INPP5F: variants seen among roughly 807,000 people sequenced by gnomAD.
INPP5F encodes the protein inositol polyphosphate-5-phosphatase F.
INPP5F carries 97 observed loss-of-function variants against 137.2 expected under a neutral mutation model. The observed-to-expected ratio is 0.71, with a 90% confidence interval of 0.60 to 0.84. INPP5F has a LOEUF of 0.84. Among genes scored for constraint, INPP5F ranks in the 40% least tolerant of loss-of-function variants. The pLI is 0.00. For missense variants in INPP5F, 1,271 were observed against 1,371.9 expected (o/e 0.93, Z 1.16); for synonymous variants, 504 against 476.9 (o/e 1.06, Z -0.74).
At chr10:119,819,566 A>AT in intron 15 of INPP5F, 2 of 1,570,186 alleles carry the variant, frequency 1.3e-6, no homozygotes. Flanking sequence ...AAAACTTAAC[A>AT]TTTTACAGTG....
At chr10:119,775,247 T>C (rs1379846982) in intron 2 of INPP5F, among the ~76,000 whole-genome samples, 1 of 152,138 alleles carries the variant, frequency 6.6e-6, no homozygotes, top group Non-Finnish European at 1.5e-5. Context: ...AACTGGATTA[T>C]CAAATATAAT....
intron 16 of INPP5F, among the ~76,000 whole-genome samples, chr10:119,821,899 G>A (rs1419106197): frequency 1.9e-5 from 2 of 103,996 alleles, no homozygotes; most frequent in Admixed American, 1.2e-4. Flanking sequence ...ATGGAGTTTC[G>A]CTCTTTTTGC....
intron 2 of INPP5F, among the ~76,000 whole-genome samples, chr10:119,768,756 A>G (rs949098740): frequency 6.6e-6 from 1 of 152,152 alleles, no homozygotes; most frequent in Non-Finnish European, 1.5e-5. Flanking sequence ...AAGGAAGTAA[A>G]CACCTGAGAC....
At chr10:119,782,024 A>C (rs1201346766) in intron 3 of INPP5F, among the ~76,000 whole-genome samples, 2 of 152,186 alleles carry the variant, frequency 1.3e-5, no homozygotes, top group Non-Finnish European at 2.9e-5. Flanking sequence ...GGCTCTGTCC[A>C]CTTGATCTCT....
Position 119,748,757 on chromosome 10 carries a change from AAAGC to A in INPP5F, c.98-2317_98-2314del, listed in dbSNP as rs1470977244. On this transcript the variant is annotated intron_variant, in intron 1 of 19. Transcript: ENST00000650623. This position sits in a 1 kb window ranked among gnomAD's most constrained non-coding sequence, Gnocchi z 4.7. ...ATGGGAGGCCACGGACGGCCTGGAG[AAAGC>A]ACCCTGAGTTCTTACTCCAGCTCAC... 6.6e-6 allele frequency among the ~76,000 whole-genome samples: 1 copy of A among 152,092 alleles called. No homozygotes were observed. The highest frequency in any genetic ancestry group is 2.4e-5 in the African/African-American group (1 of 41,416).
intron 1 of INPP5F, among the ~76,000 whole-genome samples, chr10:119,734,683 A>G (rs1410788139): frequency 1.3e-5 from 2 of 152,026 alleles, no homozygotes; most frequent in Non-Finnish European, 2.9e-5. Context: ...TCATAGTCCA[A>G]CCTTGTTTTG....
At chr10:119,727,067 T>G (rs1199867428) in intron 1 of INPP5F, among the ~76,000 whole-genome samples, 1 of 152,230 alleles carries the variant, frequency 6.6e-6, no homozygotes, top group East Asian at 1.9e-4. Context: ...TAGCTTGCTT[T>G]AGGAAAATGT....
intron 18 of INPP5F, 45 bp from the exon 19 acceptor site, chr10:119,823,770 G>T (rs1414730874): frequency 2.1e-6 from 3 of 1,443,302 alleles, no homozygotes; most frequent in Admixed American, 3.6e-5. Flanking sequence ...ATTTTTTTTA[G>T]TATGTTTATG....
rs73355843 is a variant in INPP5F at position 119,796,604 on chromosome 10, A to G, written c.670-111A>G. 2.9e-3 allele frequency: 2,461 copies of G among 863,154 alleles called. 46 individuals are homozygous for G. The African/African-American group carries it at 0.037, about 13-fold the overall frequency. The allele number at this position is 863,154 out of a possible 1,614,324, so 53.5% of individuals were successfully genotyped here. A position where few individuals can be genotyped will look rare whatever the true frequency, so the allele number is the denominator to read the frequency against. The stretch of plus-strand genomic sequence containing the variant: ...AGCAGAAAATATGGTTGAATAATGG[A>G]AGGTTTCTGCTTCTAATAAACTGAG... On this transcript the variant is annotated intron_variant, in intron 6 of 19. Coordinates refer to ENST00000650623, the MANE Select transcript of INPP5F (RefSeq NM_014937.4).
intron 2 of INPP5F, among the ~76,000 whole-genome samples, chr10:119,779,486 C>T (rs935890415): frequency 6.6e-6 from 1 of 151,882 alleles, no homozygotes; most frequent in South Asian, 2.1e-4. Flanking sequence ...GTGTCATGAC[C>T]ATGGCTTATT....
At chr10:119,742,088 G>T (rs1368622088) in intron 1 of INPP5F, among the ~76,000 whole-genome samples, 1 of 152,170 alleles carries the variant, frequency 6.6e-6, no homozygotes, top group African/African-American at 2.4e-5. Context: ...CTCCCAAAAT[G>T]CTGGGTTTAC....
intron 1 of INPP5F, among the ~76,000 whole-genome samples, chr10:119,743,617 T>C (rs1235935900): frequency 1.7e-5 from 2 of 116,516 alleles, no homozygotes; most frequent in Non-Finnish European, 3.3e-5. Flanking sequence ...AGGCTGCACA[T>C]AGTTCAGGAT....
rs1199244892 is a variant in INPP5F at position 119,726,061 on chromosome 10, A to ACGGCCGCCGCTG, written c.-200_-189dup. 1 of 363,108 alleles carries ACGGCCGCCGCTG rather than the reference A, an allele frequency of 2.8e-6. No individual in the cohort carries two copies. The highest frequency in any genetic ancestry group is 4.9e-6 in the Non-Finnish European group (1 of 204,372). 22.5% of individuals were successfully genotyped at this position (363,108 alleles called of 1,614,324 possible). A position where few individuals can be genotyped will look rare whatever the true frequency, so the allele number is the denominator to read the frequency against. ...GGAGGAGCGGGGGGGAGAGGCCTCT[A>ACGGCCGCCGCTG]CGGCCGCCGCTGCCGCCGCCGCTGC... On this transcript the variant is annotated 5_prime_UTR_variant, in exon 1 of 20. Coordinates refer to ENST00000650623, the MANE Select transcript of INPP5F (RefSeq NM_014937.4).
chr10:119,762,970 C>A (rs1039876000), intron 2 of INPP5F, among the ~76,000 whole-genome samples: 1 of 152,194 alleles, frequency 6.6e-6, no homozygotes, highest in Non-Finnish European at 1.5e-5. Context: ...TCATCTAACT[C>A]AGATGTGGGT....
chr10:119,771,211 T>G (rs1849323521), intron 2 of INPP5F, among the ~76,000 whole-genome samples: 2 of 152,338 alleles, frequency 1.3e-5, no homozygotes, highest in South Asian at 4.1e-4. Context: ...TCATACAATA[T>G]GTGCACCTTT....
Position 119,802,020 on chromosome 10 carries a change from G to A in INPP5F, c.1117-2153G>A, listed in dbSNP as rs115923423. ...TTCCAGGGCGTTGGGCCCACAGTCG[G>A]TCTGACTCAGCCATGGTGGTCCCAT... is the stretch of plus-strand genomic sequence containing the variant. On this transcript the variant is annotated intron_variant, in intron 9 of 19. Coordinates refer to ENST00000650623, the MANE Select transcript of INPP5F (RefSeq NM_014937.4). Among the ~76,000 whole-genome samples the A allele has an allele frequency of 4.7e-4, 72 of 152,266 alleles. 1 individual carries two copies. Among genetic ancestry groups the A allele is most frequent in the African/African-American group, 1.7e-3 (69 of 41,572 alleles).
intron 6 of INPP5F, chr10:119,793,659 T>G (rs934314244): frequency 1.3e-5 from 2 of 151,962 alleles, no homozygotes; most frequent in East Asian, 1.9e-4. Context: ...TATTTATTTG[T>G]TTTTTTTGAC....
intron 13 of INPP5F, among the ~76,000 whole-genome samples, chr10:119,809,232 A>C (rs1473832449): frequency 1.3e-5 from 2 of 150,072 alleles, no homozygotes; most frequent in Non-Finnish European, 3.0e-5. Context: ...GTCTCAAAAA[A>C]AAAAAAAAAA....
chr10:119,800,531 G>A (rs1850549123), intron 9 of INPP5F, among the ~76,000 whole-genome samples: 1 of 150,320 alleles, frequency 6.7e-6, no homozygotes, highest in Non-Finnish European at 1.5e-5. Context: ...CTGCACTCCT[G>A]GACGACAGAG....
Sources: allele counts gnomAD v4.1 joint callset (sites outside exome capture counted in the v4.1 genomes callset), GRCh38; gene constraint gnomAD v4.1.1; non-coding constraint Gnocchi (gnomAD v3.1); transcripts MANE v1.5; gene names NCBI Gene and HGNC (gene_info 2026-07-23, HGNC 2026-07-21).